Variants in POU2F1 observed in about 807,000 individuals in gnomAD.
POU2F1 encodes POU domain, class 2, transcription factor 1.
In POU2F1, 16 loss-of-function variants were observed where a neutral mutation model predicts 84.9. The ratio of observed to expected loss-of-function variants is 0.19; its 90% CI spans 0.13 to 0.29. The LOEUF is 0.29. POU2F1 is among the 10% of genes least tolerant of loss of function. The pLI, the probability that POU2F1 is intolerant of heterozygous loss-of-function variation, is 1.00. For synonymous variants in POU2F1, 368 were observed against 368.3 expected (o/e 1.00, Z 0.01); for missense variants, 738 against 942.6 (o/e 0.78, Z 2.84).
chr1:167,396,722 G>A (rs748234247), intron 10 of POU2F1: 8 of 242,208 alleles, frequency 3.3e-5, no homozygotes, highest in Non-Finnish European at 5.5e-5. Flanking sequence ...TGAAGGAATA[G>A]GATAAGTAAG....
chr1:167,239,130 C>T (rs565280747), intron 1 of POU2F1, among the ~76,000 whole-genome samples: 5 of 152,234 alleles, frequency 3.3e-5, no homozygotes, highest in African/African-American at 7.2e-5. Context: ...CCTATCCCTT[C>T]TACCAAAAAT....
rs1659637836 is a variant in POU2F1, at chr1:167,365,557, A to G, written c.218A>G (p.His73Arg). The stretch of plus-strand genomic sequence containing the variant: ...GCCCAGGCGCAGGCTTTCCTTGGAC[A>G]TCTCCATCAGGTAGGAATGTTCTGC... ...STAQAQAFLGHLHQVQLAGTS... is the reference protein window; with the variant it reads ...STAQAQAFLGRLHQVQLAGTS... The change falls in exon 3 of 16, where the codon CAT (histidine) becomes CGT (arginine). Residue 73 changes from histidine (H) to arginine (R), a missense_variant. Physicochemically the swap from His to Arg is conservative, Grantham distance 29 (BLOSUM62 0). Transcript: ENST00000367866. 1 of 1,595,548 alleles carries G rather than the reference A, an allele frequency of 6.3e-7. No individual in the cohort carries two copies. Among genetic ancestry groups the G allele is most frequent in the African/African-American group, 1.3e-5 (1 of 74,110 alleles).
chr1:167,364,581 CTTT>C (rs745794975), intron 2 of POU2F1, among the ~76,000 whole-genome samples: 1 of 120,812 alleles, frequency 8.3e-6, no homozygotes, highest in Non-Finnish European at 1.7e-5. Context: ...TTCTTTCTTT[CTTT>C]TTTTTTTTTT....
intron 13 of POU2F1, among the ~76,000 whole-genome samples, chr1:167,410,534 T>C (rs1649885242): frequency 6.6e-6 from 1 of 151,256 alleles, no homozygotes; most frequent in Non-Finnish European, 1.5e-5. Flanking sequence ...ATTATTATTT[T>C]TAACGGAGTC....
At chr1:167,328,704 A>G (rs530009647) in intron 1 of POU2F1, among the ~76,000 whole-genome samples, 1 of 152,136 alleles carries the variant, frequency 6.6e-6, no homozygotes, top group Admixed American at 6.5e-5. Flanking sequence ...GTCTCATTTT[A>G]TCCTCCTAAT....
intron 3 of POU2F1, among the ~76,000 whole-genome samples, chr1:167,365,865 C>G (rs1347538618): frequency 2.0e-5 from 3 of 152,118 alleles, no homozygotes; most frequent in Non-Finnish European, 4.4e-5. Context: ...CTGATGGTAG[C>G]AAATTATCAA....
chr1:167,374,983 C>G (rs536912007), intron 6 of POU2F1, among the ~76,000 whole-genome samples: 1 of 151,014 alleles, frequency 6.6e-6, no homozygotes, highest in African/African-American at 2.4e-5. Context: ...AGGAGAATAG[C>G]GTGAACCCAG....
chr1:167,333,502 G>A (rs1571317877), intron 2 of POU2F1, among the ~76,000 whole-genome samples: 2 of 152,174 alleles, frequency 1.3e-5, no homozygotes, highest in Middle Eastern at 6.8e-3. Context: ...AGAGTGAGAG[G>A]CACTCTTAAT....
At chr1:167,304,865 G>A (rs913636040) in intron 1 of POU2F1, among the ~76,000 whole-genome samples, 1 of 151,986 alleles carries the variant, frequency 6.6e-6, no homozygotes, top group African/African-American at 2.4e-5. Context: ...TTTTAAAAAC[G>A]CTTTTCAAAA....
At chr1:167,350,194 C>T (rs186541920) in intron 2 of POU2F1, among the ~76,000 whole-genome samples, 76 of 152,274 alleles carry the variant, frequency 5.0e-4, no homozygotes, top group African/African-American at 1.8e-3. Flanking sequence ...GTGTACTATA[C>T]TTAATGTAGT....
Position 167,415,938 on chromosome 1 carries a change from G to T in POU2F1, c.*128G>T. ...GTGTTGTGAGGGCAAAGGAGAGAAG[G>T]GAGAAAAAAAAAAAAAAACCACACA... On this transcript the variant is annotated 3_prime_UTR_variant, in exon 16 of 16. Coordinates refer to ENST00000367866, the MANE Select transcript of POU2F1 (RefSeq NM_002697.4). 2 of 631,306 alleles carry T rather than the reference G, an allele frequency of 3.2e-6. No individual in the cohort carries two copies. Among genetic ancestry groups the T allele is most frequent in the Non-Finnish European group, 2.5e-6 (1 of 405,316 alleles). 39.1% of individuals were successfully genotyped at this position (631,306 alleles called of 1,614,324 possible).
intron 1 of POU2F1, among the ~76,000 whole-genome samples, chr1:167,266,361 T>C (rs1426923184): frequency 1.3e-5 from 2 of 152,178 alleles, no homozygotes; most frequent in Non-Finnish European, 2.9e-5. Flanking sequence ...GTAGTAATTC[T>C]ATTGTAAGGT....
chr1:167,233,529 G>GGAGC (rs1234261971), intron 1 of POU2F1, among the ~76,000 whole-genome samples: 2 of 152,166 alleles, frequency 1.3e-5, no homozygotes, highest in African/African-American at 4.8e-5. Context: ...TTGTAGTCTA[G>GGAGC]GAGCAACAGG....
At chr1:167,327,905 G>T (rs1304401818) in intron 1 of POU2F1, among the ~76,000 whole-genome samples, 1 of 152,092 alleles carries the variant, frequency 6.6e-6, no homozygotes, top group African/African-American at 2.4e-5. Flanking sequence ...AATATATAAG[G>T]AAAGAAAGGG....
chr1:167,314,388 CA>C (rs1655729357), intron 1 of POU2F1, among the ~76,000 whole-genome samples: 1 of 152,152 alleles, frequency 6.6e-6, no homozygotes, highest in African/African-American at 2.4e-5. Flanking sequence ...GTGACAATAC[CA>C]AATGCTAGTA....
intron 1 of POU2F1, among the ~76,000 whole-genome samples, chr1:167,274,502 G>C (rs1652585209): frequency 6.6e-6 from 1 of 152,060 alleles, no homozygotes; most frequent in Non-Finnish European, 1.5e-5. Flanking sequence ...GTGGGTCTAT[G>C]AGGAAGGTTT....
intron 2 of POU2F1, among the ~76,000 whole-genome samples, chr1:167,341,695 A>G (rs1023001311): frequency 6.6e-6 from 1 of 152,170 alleles, no homozygotes; most frequent in Non-Finnish European, 1.5e-5. Context: ...AAGTGGGCAC[A>G]TGTTTCAGTG....
chr1:167,393,353 CAT>C (rs1188528341), intron 9 of POU2F1, among the ~76,000 whole-genome samples: 1 of 152,048 alleles, frequency 6.6e-6, no homozygotes, highest in African/African-American at 2.4e-5. Flanking sequence ...TGAAATAAAA[CAT>C]ATTAATAAAT....
chr1:167,371,730 T>G (rs1183471355), intron 4 of POU2F1, among the ~76,000 whole-genome samples, 187 bp from the exon 5 acceptor site: 1 of 152,180 alleles, frequency 6.6e-6, no homozygotes, highest in Non-Finnish European at 1.5e-5. Flanking sequence ...TTTGCTGGCA[T>G]TAGAATTAAC....
Sources: gnomAD v4.1 joint callset for allele counts (sites outside exome capture counted in the v4.1 genomes callset) on GRCh38, gnomAD v4.1.1 for gene constraint, MANE v1.5 for transcripts, NCBI Gene and HGNC (gene_info 2026-07-23, HGNC 2026-07-21) for gene names.